The following EYS variants were observed in gnomAD, a reference collection of about 807,000 sequenced individuals.
EYS encodes protein eyes shut homolog.
Under a neutral mutation model 282.1 loss-of-function variants are expected in EYS, and 250 were observed. The ratio of observed to expected loss-of-function variants is 0.89; its 90% CI spans 0.80 to 0.98. The LOEUF is 0.98. Ranked by LOEUF, EYS falls within the 50% of genes least tolerant of loss-of-function variation. EYS has a pLI of 0.00. For missense variants in EYS, 4,016 were observed against 3,709.0 expected (o/e 1.08, Z -2.15); for synonymous variants, 1,355 against 1,282.9 (o/e 1.06, Z -1.20).
intron 5 of EYS, among the ~76,000 whole-genome samples, chr6:65,421,788 T>C (rs1204357389): frequency 6.6e-6 from 1 of 151,748 alleles, no homozygotes; most frequent in African/African-American, 2.4e-5. Flanking sequence ...TGTGGAGACA[T>C]GAGAAGAGGG....
chr6:64,505,901 C>T (rs1308655150), intron 26 of EYS, among the ~76,000 whole-genome samples: 1 of 152,138 alleles, frequency 6.6e-6, no homozygotes, highest in Non-Finnish European at 1.5e-5. Context: ...TTGTTGAAGG[C>T]ACCTCAGTAT....
At chr6:64,703,429 A>ATATATATATTTTTTT (rs869208549) in intron 22 of EYS, among the ~76,000 whole-genome samples, 1 of 23,360 alleles carries the variant, frequency 4.3e-5, no homozygotes, top group Non-Finnish European at 1.1e-4. Context: ...ATATATATAT[A>ATATATATATTTTTTT]TTTTTTTTTT....
intron 26 of EYS, among the ~76,000 whole-genome samples, chr6:64,512,455 T>C (rs968247240): frequency 6.6e-6 from 1 of 151,796 alleles, no homozygotes; most frequent in Admixed American, 6.6e-5. Flanking sequence ...ACGGTAATCA[T>C]CAGAGAAAAT....
Position 64,705,496 on chromosome 6 carries a change from C to CA in EYS, c.3444-79252dup, listed in dbSNP as rs1193983956. Among the ~76,000 whole-genome samples, 4 of 151,048 alleles carry CA rather than the reference C, an allele frequency of 2.6e-5. No homozygotes were observed. The South Asian group carries it at 8.4e-4, about 32-fold the overall frequency. ...AAAAATCCTAAAATTCATATGGAAC[C>CA]AAAAAAAAGCATGCATAGCCAAAGC... On this transcript the variant is annotated intron_variant, in intron 22 of 42. Transcript: ENST00000503581.
chr6:65,330,572 C>T (rs1338419422), intron 11 of EYS: 24 of 975,744 alleles, frequency 2.5e-5, no homozygotes, highest in Non-Finnish European at 2.8e-5. Flanking sequence ...GTTTGCAATA[C>T]ATCATTTATA....
chr6:65,707,183 C>T lies in EYS; in HGVS notation c.-496G>A, dbSNP rs1313546275. ...TGCAACCCTAGGAGGCTTCTGATTACGGTTAATGTCTGGACATGCCTAGCG... is the reference window on the plus strand; with the variant it reads ...TGCAACCCTAGGAGGCTTCTGATTATGGTTAATGTCTGGACATGCCTAGCG... On this transcript the variant is annotated 5_prime_UTR_variant, in exon 1 of 43. Coordinates refer to ENST00000503581, the MANE Select transcript of EYS (RefSeq NM_001142800.2). 1.3e-5 allele frequency: 2 copies of T among 152,158 alleles called. No homozygotes were observed. Among genetic ancestry groups the T allele is most frequent in the East Asian group, 1.9e-4 (1 of 5,164 alleles). 9.4% of individuals were successfully genotyped at this position (152,158 alleles called of 1,614,324 possible). A position where few individuals can be genotyped will look rare whatever the true frequency, so the allele number is the denominator to read the frequency against.
chr6:65,427,426 T>G lies in EYS; in HGVS notation c.863-22059A>C, dbSNP rs376093284. 1.1e-4 allele frequency among the ~76,000 whole-genome samples: 17 copies of G among 152,186 alleles called. No individual in the cohort carries two copies. The East Asian group carries it at 1.5e-3, about 14-fold the overall frequency. ...ATGCATTGACTATCTCATGTTAGATTTGTTTCATAGTTAATATGTATTTTT... is the reference window on the plus strand; with the variant it reads ...ATGCATTGACTATCTCATGTTAGATGTGTTTCATAGTTAATATGTATTTTT... On this transcript the variant is annotated intron_variant, in intron 5 of 42. Transcript: ENST00000503581.
chr6:64,814,630 C>T (rs759808790), intron 21 of EYS, among the ~76,000 whole-genome samples: 1 of 152,002 alleles, frequency 6.6e-6, no homozygotes, highest in Non-Finnish European at 1.5e-5. Context: ...GTACCACAAA[C>T]ATGGTATGAC....
At chr6:65,155,131 A>G (rs1764702693) in intron 12 of EYS, among the ~76,000 whole-genome samples, 1 of 151,562 alleles carries the variant, frequency 6.6e-6, no homozygotes, top group Non-Finnish European at 1.5e-5. Flanking sequence ...TCAGAATTAC[A>G]GAAGGGTAGC....
At chr6:64,993,377 C>A (rs1269774682) in intron 14 of EYS, among the ~76,000 whole-genome samples, 1 of 151,688 alleles carries the variant, frequency 6.6e-6, no homozygotes, top group Non-Finnish European at 1.5e-5. Flanking sequence ...TATATATACA[C>A]CATGGACTAC....
chr6:63,789,509 G>T (rs1052726530), intron 37 of EYS, among the ~76,000 whole-genome samples: 1 of 152,096 alleles, frequency 6.6e-6, no homozygotes, highest in African/African-American at 2.4e-5. Flanking sequence ...ATCTCCTTTT[G>T]TCGGAGTGAA....
chr6:63,888,699 GCTAAAAATTCCAAAAACCAGAATGC>G (rs1458491672), intron 35 of EYS, among the ~76,000 whole-genome samples: 1 of 152,206 alleles, frequency 6.6e-6, no homozygotes. Flanking sequence ...GCGTAAAAAG[GCTAAAAATTCCAAAAACCAGAATGC>G]CTCTTCTCCC....
intron 31 of EYS, among the ~76,000 whole-genome samples, chr6:64,154,268 C>A (rs1004945114): frequency 6.6e-6 from 1 of 151,902 alleles, no homozygotes; most frequent in East Asian, 1.9e-4. Flanking sequence ...TGGAAAAACC[C>A]TGTCTCTACT....
rs369468042 is a variant in EYS, at chr6:65,082,906, T to C, written c.2024-25179A>G. On this transcript the variant is annotated intron_variant, in intron 12 of 42. Coordinates refer to ENST00000503581, the MANE Select transcript of EYS (RefSeq NM_001142800.2). The stretch of plus-strand genomic sequence containing the variant: ...ATGCATGCAATGGACTGTAATTTAT[T>C]TGCTTTGAGGCATTTTATAGAAGTA... Among the ~76,000 whole-genome samples, 61 of 152,066 alleles carry C rather than the reference T, an allele frequency of 4.0e-4. 1 individual carries two copies. The highest frequency in any genetic ancestry group is 4.1e-4 in the South Asian group (2 of 4,826).
intron 13 of EYS, among the ~76,000 whole-genome samples, chr6:65,002,025 T>C (rs963896760): frequency 7.3e-6 from 1 of 136,226 alleles, no homozygotes; most frequent in Admixed American, 7.6e-5. Context: ...AATCATATAT[T>C]AAAATATTTA....
At chr6:64,335,341 T>C (rs1770809078) in intron 29 of EYS, among the ~76,000 whole-genome samples, 1 of 138,676 alleles carries the variant, frequency 7.2e-6, no homozygotes. Flanking sequence ...ACTCCCCAAC[T>C]CCACATTCCT....
intron 12 of EYS, among the ~76,000 whole-genome samples, chr6:65,215,701 T>G (rs74652471): frequency 0.017 from 2,562 of 152,276 alleles, 83 homozygotes; most frequent in African/African-American, 0.058. Context: ...AAAGGAACTG[T>G]GCACCGATGT....
chr6:64,491,284 A>C (rs1413719231), intron 26 of EYS, among the ~76,000 whole-genome samples: 2 of 150,892 alleles, frequency 1.3e-5, no homozygotes, highest in Non-Finnish European at 3.0e-5. Context: ...AAAATAAACC[A>C]CAACTCCTTA....
At chr6:64,265,364 A>G (rs1767722366) in intron 30 of EYS, among the ~76,000 whole-genome samples, 1 of 152,198 alleles carries the variant, frequency 6.6e-6, no homozygotes. Context: ...CTGGTCCAAC[A>G]TTGGATCTGT....
Sources: gnomAD v4.1 joint callset for allele counts (sites outside exome capture counted in the v4.1 genomes callset) on GRCh38, gnomAD v4.1.1 for gene constraint, MANE v1.5 for transcripts, NCBI Gene and HGNC (gene_info 2026-07-23, HGNC 2026-07-21) for gene names.